The following DOK6 variants were observed in gnomAD, a reference collection of about 807,000 sequenced individuals.
DOK6 encodes downstream of tyrosine kinase 6.
DOK6 carries 22 observed loss-of-function variants against 44.0 expected under a neutral mutation model. The observed-to-expected ratio is 0.50, with a 90% CI of 0.36 to 0.71. The LOEUF (loss-of-function observed/expected upper bound fraction) is 0.71. Among genes scored for constraint, DOK6 ranks in the 30% least tolerant of loss-of-function variants. DOK6 has a pLI of 0.00. For synonymous variants in DOK6, 166 were observed against 145.5 expected (o/e 1.14, Z -1.01); for missense variants, 340 against 416.4 (o/e 0.82, Z 1.60).
intron 1 of DOK6, among the ~76,000 whole-genome samples, chr18:69,434,817 G>A (rs1454698139): frequency 1.3e-5 from 2 of 151,766 alleles, no homozygotes; most frequent in Non-Finnish European, 2.9e-5. Flanking sequence ...AGCTACTTGG[G>A]AGGCTGAGGC....
At chr18:69,424,345 A>T (rs912268802) in intron 1 of DOK6, among the ~76,000 whole-genome samples, 15 of 152,248 alleles carry the variant, frequency 9.9e-5, no homozygotes, top group Non-Finnish European at 1.9e-4. Context: ...GAGTGGGTAA[A>T]AGTTGCATTT....
intron 3 of DOK6, among the ~76,000 whole-genome samples, chr18:69,669,037 T>A (rs1985730496): frequency 6.6e-6 from 1 of 152,192 alleles, no homozygotes; most frequent in African/African-American, 2.4e-5. Flanking sequence ...TACAGGACCC[T>A]AATCTTCTAC....
intron 7 of DOK6, among the ~76,000 whole-genome samples, chr18:69,839,755 C>G (rs928694901): frequency 2.0e-5 from 3 of 152,122 alleles, no homozygotes; most frequent in African/African-American, 4.8e-5. Context: ...AGCCTCCAGG[C>G]GCCGTGGGGC....
intron 5 of DOK6, among the ~76,000 whole-genome samples, chr18:69,722,609 G>T (rs1369574050): frequency 6.6e-6 from 1 of 152,152 alleles, no homozygotes; most frequent in East Asian, 1.9e-4. Context: ...CATTATTCAC[G>T]CAACCCTGAA....
intron 6 of DOK6, 144 bp from the exon 7 acceptor site, chr18:69,757,606 TACTTTA>T: frequency 1.5e-6 from 1 of 647,036 alleles, no homozygotes; most frequent in Non-Finnish European, 2.7e-6. Context: ...GTAATGATTT[TACTTTA>T]AAAGTTATCC....
intron 5 of DOK6, among the ~76,000 whole-genome samples, chr18:69,725,173 CAG>C (rs1487999746): frequency 3.3e-5 from 5 of 152,170 alleles, no homozygotes; most frequent in Admixed American, 3.3e-4. Context: ...AGGTGGTAGA[CAG>C]AGGATAAACT....
chr18:69,694,793 C>T (rs1270618401), intron 4 of DOK6, among the ~76,000 whole-genome samples: 1 of 152,018 alleles, frequency 6.6e-6, no homozygotes, highest in Non-Finnish European at 1.5e-5. Flanking sequence ...CTTTTCAGTA[C>T]TTTTGGGTAT....
chr18:69,444,452 C>T (rs1307539047), intron 1 of DOK6, among the ~76,000 whole-genome samples: 1 of 152,134 alleles, frequency 6.6e-6, no homozygotes, highest in East Asian at 1.9e-4. Context: ...TCCCAACCAC[C>T]GAATCCCACA....
At chr18:69,550,878 G>A (rs1017734557) in intron 1 of DOK6, among the ~76,000 whole-genome samples, 5 of 150,508 alleles carry the variant, frequency 3.3e-5, no homozygotes, top group Admixed American at 2.0e-4. Context: ...CTGCCTCTGG[G>A]GTTCAAGCGA....
chr18:69,769,797 G>A (rs1979834075), intron 7 of DOK6, among the ~76,000 whole-genome samples: 1 of 152,086 alleles, frequency 6.6e-6, no homozygotes, highest in African/African-American at 2.4e-5. Context: ...TCTGAAAGCA[G>A]TGAGACACTA....
At chr18:69,669,753 C>T (rs888005309) in intron 3 of DOK6, among the ~76,000 whole-genome samples, 6 of 152,026 alleles carry the variant, frequency 3.9e-5, no homozygotes, top group Non-Finnish European at 5.9e-5. Flanking sequence ...TTCTTTTCCA[C>T]TTCATGTTAA....
chr18:69,446,173 A>G (rs1189992690), intron 1 of DOK6, among the ~76,000 whole-genome samples: 3 of 151,348 alleles, frequency 2.0e-5, no homozygotes, highest in Non-Finnish European at 4.4e-5. Flanking sequence ...TGTCATTTAC[A>G]TTAGGTATAT....
intron 7 of DOK6, among the ~76,000 whole-genome samples, chr18:69,762,788 T>G (rs1402099801): frequency 6.6e-6 from 1 of 152,202 alleles, no homozygotes; most frequent in East Asian, 1.9e-4. Flanking sequence ...AGCTTTGACT[T>G]AGCTCAGTTT....
chr18:69,775,177 G>C (rs973940050), intron 7 of DOK6, among the ~76,000 whole-genome samples: 1 of 151,894 alleles, frequency 6.6e-6, no homozygotes, highest in African/African-American at 2.4e-5. Flanking sequence ...ACTGAAATAT[G>C]CAAGAATAAA....
chr18:69,825,028 T>G (rs1364413076), intron 7 of DOK6, among the ~76,000 whole-genome samples: 3 of 152,242 alleles, frequency 2.0e-5, no homozygotes, highest in African/African-American at 7.2e-5. Context: ...TCTCAAGGTC[T>G]TTGTAATTTC....
intron 7 of DOK6, among the ~76,000 whole-genome samples, chr18:69,822,037 T>A (rs572444658): frequency 6.6e-6 from 1 of 152,182 alleles, no homozygotes; most frequent in Non-Finnish European, 1.5e-5. Flanking sequence ...TTCTTTCTCA[T>A]ATATCACGAG....
intron 6 of DOK6, among the ~76,000 whole-genome samples, chr18:69,740,742 G>A (rs1016520255): frequency 6.6e-6 from 1 of 152,168 alleles, no homozygotes; most frequent in Non-Finnish European, 1.5e-5. Flanking sequence ...AGGTTTCTGC[G>A]CATTCATCTA....
chr18:69,560,526 A>G (rs1982803188), intron 1 of DOK6, among the ~76,000 whole-genome samples: 1 of 152,148 alleles, frequency 6.6e-6, no homozygotes, highest in South Asian at 2.1e-4. Context: ...AATGGAATAA[A>G]CGGTTTTGTT....
At chr18:69,449,437 T>C (rs1053374809) in intron 1 of DOK6, among the ~76,000 whole-genome samples, 3 of 152,362 alleles carry the variant, frequency 2.0e-5, no homozygotes, top group Admixed American at 1.3e-4. Flanking sequence ...CATATCTTAA[T>C]AGCATATGTT....
Sources: allele counts gnomAD v4.1 joint callset (sites outside exome capture counted in the v4.1 genomes callset), GRCh38; gene constraint gnomAD v4.1.1; transcripts MANE v1.5; gene names NCBI Gene and HGNC (gene_info 2026-07-23, HGNC 2026-07-21).